DOCK9: variants seen among roughly 807,000 people sequenced by gnomAD.
DOCK9 encodes dedicator of cytokinesis 9.
DOCK9 carries 89 observed loss-of-function variants against 263.3 expected under a neutral mutation model. That is an observed-to-expected ratio of 0.34 (90% CI 0.28 to 0.40). DOCK9 has a LOEUF of 0.40. Among genes scored for constraint, DOCK9 ranks in the 10% least tolerant of loss-of-function variants. The pLI is 1.00. For synonymous variants in DOCK9, 976 were observed against 973.1 expected (o/e 1.00, Z -0.06); for missense variants, 2,140 against 2,603.4 (o/e 0.82, Z 3.87).
intron 3 of DOCK9, among the ~76,000 whole-genome samples, chr13:98,926,941 T>TC (rs35960614): frequency 0.16 from 23,859 of 152,312 alleles, 2,062 homozygotes; most frequent in South Asian, 0.26. Context: ...TCTATCTGTG[T>TC]CACAGGCCAT....
chr13:99,028,478 C>CAGGT (rs1887007708), intron 1 of DOCK9, among the ~76,000 whole-genome samples: 1 of 152,030 alleles, frequency 6.6e-6, no homozygotes, highest in African/African-American at 2.4e-5. Flanking sequence ...AAACAAGGAA[C>CAGGT]AGGTAACAGG....
At chr13:98,979,021 G>A (rs1876171534), upstream of DOCK9, among the ~76,000 whole-genome samples, 1 of 152,022 alleles carries the variant, frequency 6.6e-6, no homozygotes, top group South Asian at 2.1e-4. Context: ...ACATTAAAGG[G>A]GGGATCAAAT....
chr13:98,906,325 C>T (rs2049089729), intron 9 of DOCK9, among the ~76,000 whole-genome samples: 1 of 152,090 alleles, frequency 6.6e-6, no homozygotes, highest in African/African-American at 2.4e-5. Flanking sequence ...CGGAAGAAAA[C>T]CGACAGATGG....
At chr13:98,932,528 G>A (rs1376998513) in intron 2 of DOCK9, among the ~76,000 whole-genome samples, 4 of 152,228 alleles carry the variant, frequency 2.6e-5, no homozygotes, top group African/African-American at 9.7e-5. Flanking sequence ...ACTACACTGG[G>A]ATCTCACAGC....
At chr13:98,806,139 G>A (rs2090679777) in intron 48 of DOCK9, among the ~76,000 whole-genome samples, 1 of 152,160 alleles carries the variant, frequency 6.6e-6, no homozygotes, top group Non-Finnish European at 1.5e-5. Context: ...ATAATGTTTG[G>A]AAGCTAGGCC....
chr13:98,841,243 T>C (rs1345021525), intron 38 of DOCK9, among the ~76,000 whole-genome samples: 2 of 152,170 alleles, frequency 1.3e-5, no homozygotes, highest in Non-Finnish European at 2.9e-5. Context: ...CTTCAGGAGG[T>C]AGGCGTCATA....
At chr13:98,947,506 A>ATTTTTTTTT (rs35004750) in intron 2 of DOCK9, among the ~76,000 whole-genome samples, 2 of 123,798 alleles carry the variant, frequency 1.6e-5, no homozygotes, top group African/African-American at 6.3e-5. Context: ...TCTATTCAGA[A>ATTTTTTTTT]TTTTTTTTTT....
intron 36 of DOCK9, 138 bp downstream of exon 36, chr13:98,849,909 G>T (rs1228769150): frequency 3.1e-6 from 2 of 638,420 alleles, no homozygotes; most frequent in Non-Finnish European, 5.5e-6. Flanking sequence ...TTAGGGCCAA[G>T]ACCATGAGAA....
chr13:99,050,725 C>T (rs2040652519), intron 1 of DOCK9, among the ~76,000 whole-genome samples: 1 of 152,062 alleles, frequency 6.6e-6, no homozygotes, highest in African/African-American at 2.4e-5. Flanking sequence ...GTCATAAGCA[C>T]CCACCATGTT....
chr13:99,053,418 C>G (rs1170905014), intron 1 of DOCK9, among the ~76,000 whole-genome samples: 1 of 152,130 alleles, frequency 6.6e-6, no homozygotes, highest in Non-Finnish European at 1.5e-5. Context: ...TAAAATAGCT[C>G]ATTATGCTTC....
intron 38 of DOCK9, among the ~76,000 whole-genome samples, chr13:98,844,994 A>G (rs1284203433): frequency 6.6e-6 from 1 of 152,216 alleles, no homozygotes; most frequent in African/African-American, 2.4e-5. Flanking sequence ...TGGAGAAGAG[A>G]TGGAACAATT....
chr13:98,899,052 A>ATT (rs71683157), intron 13 of DOCK9, among the ~76,000 whole-genome samples: 4,100 of 140,380 alleles, frequency 0.029, 81 homozygotes, highest in African/African-American at 0.034. Context: ...ACATTACTTA[A>ATT]TTTTTTTTTT....
rs374392478 is a variant in DOCK9 at position 98,926,244 on chromosome 13, TAAA to T, written c.334-328_334-326del. ...TATTTCAGAGTAAGCACCTGGTTCTTAAAAAGCCATGTGGCCTCTACTATGACA... is the reference window on the plus strand; with the variant it reads ...TATTTCAGAGTAAGCACCTGGTTCTTAAGCCATGTGGCCTCTACTATGACA... On this transcript the variant is annotated intron_variant, in intron 3 of 52. Coordinates refer to ENST00000682017, the MANE Select transcript of DOCK9 (RefSeq NM_001366683.2). Among the ~76,000 whole-genome samples the T allele has an allele frequency of 5.4e-4, 83 of 152,322 alleles. 1 individual carries two copies. In the East Asian group the frequency reaches 0.013, roughly 23 times the overall value.
intron 18 of DOCK9, among the ~76,000 whole-genome samples, chr13:98,887,615 C>CAAAAAAAAA (rs58976892): frequency 1.6e-4 from 6 of 37,218 alleles, no homozygotes; most frequent in Non-Finnish European, 2.1e-4. Context: ...GACTCCATCT[C>CAAAAAAAAA]AAAAAAAAAA....
chr13:98,905,229 A>T (rs1033264028), intron 9 of DOCK9, among the ~76,000 whole-genome samples: 1 of 152,260 alleles, frequency 6.6e-6, no homozygotes, highest in Non-Finnish European at 1.5e-5. Context: ...ATCTTGAAGG[A>T]CAAGATGCTA....
Position 98,882,018 on chromosome 13 carries a change from A to G in DOCK9, c.2560-11T>C. 1.3e-6 allele frequency: 2 copies of G among 1,562,210 alleles called. No homozygotes were observed. The highest frequency in any genetic ancestry group is 1.7e-6 in the Non-Finnish European group (2 of 1,149,276). On this transcript the variant is annotated splice_polypyrimidine_tract_variant and intron_variant, in intron 23 of 52. Transcript: ENST00000682017. ...CATCGCATGCAGACTCTACGGACAC[A>G]GAATGGCACAGTTCATGTTATCCTT...
intron 1 of DOCK9, among the ~76,000 whole-genome samples, chr13:98,961,163 C>T (rs533335380): frequency 6.6e-6 from 1 of 152,298 alleles, no homozygotes; most frequent in South Asian, 2.1e-4. Context: ...TAAGTTTCTT[C>T]ACTTTACTAA....
intron 1 of DOCK9, among the ~76,000 whole-genome samples, chr13:98,970,953 C>T (rs922480524): frequency 2.6e-5 from 4 of 152,114 alleles, no homozygotes; most frequent in African/African-American, 9.7e-5. Context: ...TTCCAAGATC[C>T]CATTCTGTAG....
At position 98,829,594 on chromosome 13, in the gene DOCK9, T is replaced by C; in HGVS notation, c.4749+49A>G. The C allele has an allele frequency of 3.2e-6, 5 of 1,585,390 alleles. No homozygotes were observed. Among genetic ancestry groups the C allele is most frequent in the Non-Finnish European group, 4.3e-6 (5 of 1,163,868 alleles). On this transcript the variant is annotated intron_variant, in intron 42 of 52. Coordinates refer to ENST00000682017, the MANE Select transcript of DOCK9 (RefSeq NM_001366683.2). The surrounding 1 kb of genome is among the most constrained non-coding windows in gnomAD (Gnocchi z 4.1). ...GCTGCCTGTCCACAAGCACCTCAGG[T>C]GCTGATGCAGAGTCTCAGGGTGAAA...
Sources: gnomAD v4.1 joint callset for allele counts (sites outside exome capture counted in the v4.1 genomes callset) on GRCh38, gnomAD v4.1.1 for gene constraint, Gnocchi (gnomAD v3.1) non-coding constraint, MANE v1.5 for transcripts, NCBI Gene and HGNC (gene_info 2026-07-23, HGNC 2026-07-21) for gene names.